JAZF1: variants seen among roughly 807,000 people sequenced by gnomAD.
JAZF1 encodes juxtaposed with another zinc finger protein 1.
JAZF1 carries 8 observed loss-of-function variants against 26.4 expected under a neutral mutation model. The ratio of observed to expected loss-of-function variants is 0.30; its 90% confidence interval spans 0.18 to 0.55. The LOEUF (loss-of-function observed/expected upper bound fraction) is 0.55. JAZF1 is among the 20% of genes least tolerant of loss of function. The pLI is 0.94. For missense variants in JAZF1, 199 were observed against 322.0 expected (o/e 0.62, Z 2.92); for synonymous variants, 126 against 122.3 (o/e 1.03, Z -0.20).
At chr7:28,011,233 T>C (rs1419441181) in intron 1 of JAZF1, among the ~76,000 whole-genome samples, 1 of 152,228 alleles carries the variant, frequency 6.6e-6, no homozygotes. Flanking sequence ...CACCTAGAGA[T>C]TTCTCCTTTT....
intron 2 of JAZF1, among the ~76,000 whole-genome samples, chr7:27,955,915 A>G (rs1785080890): frequency 6.6e-6 from 1 of 152,196 alleles, no homozygotes; most frequent in South Asian, 2.1e-4. Flanking sequence ...CCTACGACCT[A>G]CAGCAGGTCC....
intron 1 of JAZF1, among the ~76,000 whole-genome samples, chr7:28,112,796 C>T (rs1485901763): frequency 1.3e-5 from 2 of 152,080 alleles, no homozygotes; most frequent in Admixed American, 6.6e-5. Flanking sequence ...GTACAGACCT[C>T]GAGTGCTTAA....
Position 27,856,381 on chromosome 7 carries a change from A to G in JAZF1, c.386-15514T>C, listed in dbSNP as rs530251723. 4.6e-5 allele frequency among the ~76,000 whole-genome samples: 7 copies of G among 152,326 alleles called. No individual in the cohort carries two copies. In the East Asian group the frequency reaches 1.4e-3, roughly 29 times the overall value. ...CAGCTCATAAAGGCAGTGTGGACCC[A>G]AAGAGTGAGCAGCAGCAAGAGTTAT... On this transcript the variant is annotated intron_variant, in intron 3 of 4. Coordinates refer to ENST00000283928, the MANE Select transcript of JAZF1 (RefSeq NM_175061.4).
At chr7:27,844,222 C>T (rs1392589570) in intron 3 of JAZF1, 1 of 152,226 alleles carries the variant, frequency 6.6e-6, no homozygotes, top group Non-Finnish European at 1.5e-5. Context: ...CTGTTAGTCT[C>T]CTTTCAAACA....
At chr7:27,989,023 T>A (rs184493323) in intron 2 of JAZF1, among the ~76,000 whole-genome samples, 7 of 150,976 alleles carry the variant, frequency 4.6e-5, no homozygotes, top group African/African-American at 1.5e-4. Context: ...GCATCATGCT[T>A]CCTGACTTCA....
intron 1 of JAZF1, among the ~76,000 whole-genome samples, chr7:28,124,835 TA>T (rs564493435): frequency 3.5e-4 from 53 of 152,360 alleles, no homozygotes; most frequent in African/African-American, 1.2e-3. Context: ...TACAAAATGC[TA>T]AACTGTACAA....
intron 2 of JAZF1, among the ~76,000 whole-genome samples, chr7:27,930,116 C>T (rs1235013924): frequency 6.6e-6 from 1 of 152,066 alleles, no homozygotes; most frequent in Non-Finnish European, 1.5e-5. Flanking sequence ...CTGCCTCAGC[C>T]CCCCGAGTAG....
intron 1 of JAZF1, among the ~76,000 whole-genome samples, chr7:28,061,888 C>T (rs1413026547): frequency 6.6e-6 from 1 of 152,126 alleles, no homozygotes; most frequent in Non-Finnish European, 1.5e-5. Flanking sequence ...ACACATTTTG[C>T]CCAGCCATGA....
intron 1 of JAZF1, among the ~76,000 whole-genome samples, chr7:28,100,545 C>T (rs964984702): frequency 3.9e-5 from 6 of 152,034 alleles, no homozygotes; most frequent in African/African-American, 1.4e-4. Context: ...CAATGCTAAG[C>T]GTGATTCTGC....
intron 1 of JAZF1, among the ~76,000 whole-genome samples, chr7:28,072,566 A>G (rs1233108668): frequency 6.6e-6 from 1 of 152,220 alleles, no homozygotes; most frequent in Admixed American, 6.5e-5. Context: ...AAATTCTTGG[A>G]TAAAACTTAA....
At chr7:28,116,547 C>G (rs1416855615) in intron 1 of JAZF1, among the ~76,000 whole-genome samples, 1 of 152,058 alleles carries the variant, frequency 6.6e-6, no homozygotes, top group Non-Finnish European at 1.5e-5. Flanking sequence ...CCGGTTCAAG[C>G]AATTCTCCTG....
intron 1 of JAZF1, among the ~76,000 whole-genome samples, chr7:28,113,216 C>T (rs989909575): frequency 8.5e-5 from 13 of 152,062 alleles, no homozygotes; most frequent in South Asian, 2.1e-4. Context: ...TGCTTTATGG[C>T]GACAGACTAC....
chr7:27,886,841 G>T (rs1037211871), intron 3 of JAZF1, among the ~76,000 whole-genome samples: 1 of 152,190 alleles, frequency 6.6e-6, no homozygotes, highest in Non-Finnish European at 1.5e-5. Context: ...CAAAGACATG[G>T]AATCAACCCA....
At chr7:28,044,213 TCTC>T (rs1451524160) in intron 1 of JAZF1, among the ~76,000 whole-genome samples, 1 of 152,106 alleles carries the variant, frequency 6.6e-6, no homozygotes, top group Non-Finnish European at 1.5e-5. Context: ...ATAAAATATA[TCTC>T]ATCTCTTCTT....
chr7:28,089,603 G>C (rs1784262641), intron 1 of JAZF1, among the ~76,000 whole-genome samples: 1 of 152,146 alleles, frequency 6.6e-6, no homozygotes, highest in Admixed American at 6.5e-5. Context: ...ATTCTGGTGA[G>C]GGCTCAGAAA....
chr7:28,107,821 C>T (rs1265719728), intron 1 of JAZF1, among the ~76,000 whole-genome samples: 1 of 152,216 alleles, frequency 6.6e-6, no homozygotes, highest in Non-Finnish European at 1.5e-5. Context: ...TTCCACTTTA[C>T]AGACCCTACG....
chr7:28,170,337 A>ATGTGTGTGTG lies in JAZF1; in HGVS notation c.115+10116_115+10125dup, dbSNP rs61200785. On this transcript the variant is annotated intron_variant, in intron 1 of 4. Transcript: ENST00000283928. ...AATCTGAAGTAAAAGAGAAGTTGAT[A>ATGTGTGTGTG]TGTGTGTGTGTGTGTGTGTGTGTGT... Among the ~76,000 whole-genome samples, 83 of 98,528 alleles carry ATGTGTGTGTG rather than the reference A, an allele frequency of 8.4e-4. 1 individual carries two copies. The highest frequency in any genetic ancestry group is 1.7e-3 in the Non-Finnish European group (70 of 42,190). The allele number at this position is 98,528 out of a possible 152,430, so 64.6% of individuals were successfully genotyped here. A position where few individuals can be genotyped will look rare whatever the true frequency, so the allele number is the denominator to read the frequency against.
chr7:27,834,071 C>T (rs1390068088), intron 4 of JAZF1, among the ~76,000 whole-genome samples: 2 of 152,192 alleles, frequency 1.3e-5, no homozygotes, highest in Non-Finnish European at 2.9e-5. Flanking sequence ...TCCAGTCCTG[C>T]TAGAGCCAGT....
At chr7:27,871,743 T>C (rs933465350) in intron 3 of JAZF1, among the ~76,000 whole-genome samples, 2 of 152,214 alleles carry the variant, frequency 1.3e-5, no homozygotes, top group Admixed American at 6.5e-5. Flanking sequence ...CGAATGTTAA[T>C]TATATGATGA....
Sources: gnomAD v4.1 joint callset for allele counts (sites outside exome capture counted in the v4.1 genomes callset) on GRCh38, gnomAD v4.1.1 for gene constraint, MANE v1.5 for transcripts, NCBI Gene and HGNC (gene_info 2026-07-23, HGNC 2026-07-21) for gene names.